OCA2: variants seen among roughly 807,000 people sequenced by gnomAD.
OCA2 encodes the protein P protein.
OCA2 carries 77 observed loss-of-function variants against 100.2 expected under a neutral mutation model. That is an observed-to-expected ratio of 0.77 (90% confidence interval 0.64 to 0.93). The LOEUF is 0.93. Among genes scored for constraint, OCA2 ranks in the 40% least tolerant of loss-of-function variants. The pLI is 0.00. For missense variants in OCA2, 1,062 were observed against 1,089.1 expected (o/e 0.98, Z 0.35); for synonymous variants, 432 against 439.2 (o/e 0.98, Z 0.21).
intron 19 of OCA2, among the ~76,000 whole-genome samples, chr15:27,881,045 G>T (rs1176156059): frequency 1.3e-5 from 2 of 152,098 alleles, no homozygotes; most frequent in Non-Finnish European, 2.9e-5. Flanking sequence ...TCAATACCTA[G>T]TTTATTGAGA....
intron 14 of OCA2, among the ~76,000 whole-genome samples, chr15:27,976,876 GTTGT>G (rs556459419): frequency 3.9e-5 from 6 of 152,136 alleles, no homozygotes; most frequent in African/African-American, 1.2e-4. Flanking sequence ...CTTAGCCTGA[GTTGT>G]TTGTTTATGT....
intron 23 of OCA2, among the ~76,000 whole-genome samples, chr15:27,844,534 A>T (rs1365661228): frequency 6.6e-6 from 1 of 152,070 alleles, no homozygotes; most frequent in East Asian, 1.9e-4. Context: ...TTCTTGAGAC[A>T]GAGTCTCACT....
Position 27,961,082 on chromosome 15 carries a change from C to T in OCA2, c.1637-3347G>A, listed in dbSNP as rs145843855. ...ACAAAGGGCTAATATGCAGAACCTA[C>T]AAAGAACTTAAACAAATTTACAAGA... is the stretch of plus-strand genomic sequence containing the variant. On this transcript the variant is annotated intron_variant, in intron 15 of 23. Coordinates refer to ENST00000354638, the MANE Select transcript of OCA2 (RefSeq NM_000275.3). Among the ~76,000 whole-genome samples the T allele has an allele frequency of 6.9e-3, 1,055 of 152,052 alleles. 17 individuals carry two copies. The highest frequency in any genetic ancestry group is 0.024 in the African/African-American group (979 of 41,466).
At chr15:27,967,047 G>A (rs1180295958) in intron 14 of OCA2, among the ~76,000 whole-genome samples, 2 of 152,170 alleles carry the variant, frequency 1.3e-5, no homozygotes, top group African/African-American at 2.4e-5. Context: ...GGAGAATGGC[G>A]TGAACCCGAG....
intron 23 of OCA2, among the ~76,000 whole-genome samples, chr15:27,830,648 G>C (rs1325795624): frequency 1.3e-5 from 2 of 152,192 alleles, no homozygotes; most frequent in African/African-American, 4.8e-5. Flanking sequence ...GTGTGTGTAT[G>C]TGTGTGCGAC....
At chr15:27,858,161 G>T (rs1250176090) in intron 21 of OCA2, among the ~76,000 whole-genome samples, 1 of 152,096 alleles carries the variant, frequency 6.6e-6, no homozygotes. Context: ...TTCACCTGAG[G>T]TCAGGAGTTC....
chr15:28,022,468 G>A, intron 6 of OCA2, 33 bp downstream of exon 6: 1 of 1,503,924 alleles, frequency 6.6e-7, no homozygotes, highest in Non-Finnish European at 9.3e-7. Flanking sequence ...TCTCAGCCAG[G>A]CGGCTGGCCA....
chr15:27,903,186 C>CCGGCG (rs1478829601), intron 19 of OCA2, among the ~76,000 whole-genome samples: 1 of 152,246 alleles, frequency 6.6e-6, no homozygotes, highest in Admixed American at 6.5e-5. Flanking sequence ...CTTTGTGTCG[C>CCGGCG]CGGCGCCGTG....
chr15:27,778,054 A>G (rs2032337121), intron 23 of OCA2, among the ~76,000 whole-genome samples: 1 of 152,234 alleles, frequency 6.6e-6, no homozygotes, highest in Non-Finnish European at 1.5e-5. Context: ...ACATTTCAGG[A>G]GGAAAACTTT....
rs552302961 is a variant in OCA2, at chr15:28,066,320, T to G, written c.227+15328A>C. 1.1e-3 allele frequency among the ~76,000 whole-genome samples: 175 copies of G among 152,184 alleles called. 1 individual carries two copies. Among genetic ancestry groups the G allele is most frequent in the African/African-American group, 4.0e-3 (167 of 41,538 alleles). ...TCAATATTTGAAACCAAAAATAAAA[T>G]TCTAAGCCCCTCACTGACTAATGGG... is the stretch of plus-strand genomic sequence containing the variant. On this transcript the variant is annotated intron_variant, in intron 2 of 23. Transcript: ENST00000354638.
At chr15:27,913,534 T>G (rs2038481195) in intron 19 of OCA2, among the ~76,000 whole-genome samples, 1 of 151,996 alleles carries the variant, frequency 6.6e-6, no homozygotes, top group Non-Finnish European at 1.5e-5. Flanking sequence ...GATTGTGAGC[T>G]CATATATGTT....
chr15:27,785,906 A>AT, intron 23 of OCA2, among the ~76,000 whole-genome samples: 1 of 152,370 alleles, frequency 6.6e-6, no homozygotes, highest in Admixed American at 6.5e-5. Context: ...TTTTCCTGCC[A>AT]TAAAAAAGAT....
chr15:28,025,192 T>C (rs761818112), intron 4 of OCA2, among the ~76,000 whole-genome samples: 1 of 152,188 alleles, frequency 6.6e-6, no homozygotes, highest in Non-Finnish European at 1.5e-5. Context: ...TTGATAGCTG[T>C]TTAAAGGCTC....
rs142726943 is a variant in OCA2 at position 27,991,557 on chromosome 15, G to A, written c.1045-910C>T. The stretch of plus-strand genomic sequence containing the variant: ...AACAGAAAGATCAGGGCTGCCCAAG[G>A]CTGGGGAAAGCAACAAAGGTTGACT... On this transcript the variant is annotated intron_variant, in intron 9 of 23. Transcript: ENST00000354638. Among the ~76,000 whole-genome samples, 1,127 of 152,296 alleles carry A rather than the reference G, an allele frequency of 7.4e-3. 16 individuals carry two copies. The highest frequency in any genetic ancestry group is 0.026 in the African/African-American group (1,073 of 41,542).
At chr15:28,071,593 A>C (rs1005535645) in intron 2 of OCA2, among the ~76,000 whole-genome samples, 16 of 152,334 alleles carry the variant, frequency 1.1e-4, no homozygotes, top group Middle Eastern at 3.4e-3. Context: ...GGAACAGAAT[A>C]GAAAACTCAT....
intron 18 of OCA2, among the ~76,000 whole-genome samples, chr15:27,939,440 A>C (rs2039569400): frequency 6.6e-6 from 1 of 152,228 alleles, no homozygotes. Context: ...ATCATGAAGG[A>C]GTAGAATTAA....
intron 1 of OCA2, among the ~76,000 whole-genome samples, chr15:28,092,698 A>G (rs2044891283): frequency 6.6e-6 from 1 of 152,218 alleles, no homozygotes; most frequent in Admixed American, 6.5e-5. Context: ...TAGAACTGTG[A>G]AAAATATCAA....
chr15:27,794,719 C>A (rs2033249607), intron 23 of OCA2, among the ~76,000 whole-genome samples: 1 of 152,018 alleles, frequency 6.6e-6, no homozygotes, highest in African/African-American at 2.4e-5. Flanking sequence ...TAGAGAAGGC[C>A]TTTAAAAATG....
intron 9 of OCA2, among the ~76,000 whole-genome samples, chr15:27,993,776 T>C (rs1286361288): frequency 6.6e-6 from 1 of 151,996 alleles, no homozygotes; most frequent in Non-Finnish European, 1.5e-5. Context: ...CTATCCTCAC[T>C]CAGAAACCCA....
Sources: gnomAD v4.1 joint callset for allele counts (sites outside exome capture counted in the v4.1 genomes callset) on GRCh38, gnomAD v4.1.1 for gene constraint, MANE v1.5 for transcripts, NCBI Gene and HGNC (gene_info 2026-07-23, HGNC 2026-07-21) for gene names.